ADGRB3: variants seen among roughly 807,000 people sequenced by gnomAD.
The protein encoded by ADGRB3 is adhesion G protein-coupled receptor B3.
A neutral mutation model predicts 193.4 loss-of-function variants in ADGRB3; 37 were observed. The ratio of observed to expected loss-of-function variants is 0.19; its 90% CI spans 0.15 to 0.25. The LOEUF is 0.25. Ranked by LOEUF, ADGRB3 falls within the 10% of genes least tolerant of loss-of-function variation. The pLI is 1.00. For missense variants in ADGRB3, 1,637 were observed against 1,852.9 expected, an observed-to-expected ratio of 0.88 and a Z score of 2.14; for synonymous variants, 690 against 644.2, an observed-to-expected ratio of 1.07 and a Z score of -1.08.
At chr6:68,830,744 T>C (rs1424536332) in intron 3 of ADGRB3, among the ~76,000 whole-genome samples, 1 of 152,110 alleles carries the variant, frequency 6.6e-6, no homozygotes, top group African/African-American at 2.4e-5. Flanking sequence ...TTTATCCATC[T>C]GTACAAAGGC....
In ADGRB3 at chr6:68,768,648, A is replaced by G. The variant is rs569287947; in HGVS notation, c.757+129216A>G. 2.6e-5 allele frequency among the ~76,000 whole-genome samples: 4 copies of G among 152,336 alleles called. No individual in the cohort carries two copies. The East Asian group carries it at 5.8e-4, about 22-fold the overall frequency. ...AGGCATGGGCAAAGGCTTCACGACT[A>G]AAACACCAAAAGCAATGGCAACAAA... On this transcript the variant is annotated intron_variant, in intron 3 of 31. Transcript: ENST00000370598.
At chr6:68,775,578 T>A (rs1488771637) in intron 3 of ADGRB3, among the ~76,000 whole-genome samples, 1 of 152,130 alleles carries the variant, frequency 6.6e-6, no homozygotes, top group Non-Finnish European at 1.5e-5. Flanking sequence ...AGTTAATACT[T>A]ATAAAGCACT....
At chr6:69,232,674 G>A in intron 17 of ADGRB3, 1 of 1,494,990 alleles carries the variant, frequency 6.7e-7, no homozygotes. Flanking sequence ...AAGGCAATGA[G>A]AGTCGGAACC....
At position 68,962,545 on chromosome 6, in the gene ADGRB3, A is replaced by G. The variant is rs146219447; in HGVS notation, c.1525+5736A>G. On this transcript the variant is annotated intron_variant, in intron 8 of 31. Transcript: ENST00000370598. ...AAGCAATTTTCTGTAATCTTATATT[A>G]CCCTACCTTGTTCAATTTAGAAATA... 2.7e-3 allele frequency among the ~76,000 whole-genome samples: 417 copies of G among 152,234 alleles called. 4 individuals carry two copies. The highest frequency in any genetic ancestry group is 9.5e-3 in the African/African-American group (396 of 41,534).
chr6:68,973,898 A>G (rs1031132770), intron 8 of ADGRB3, among the ~76,000 whole-genome samples: 3 of 152,262 alleles, frequency 2.0e-5, no homozygotes, highest in East Asian at 1.9e-4. Context: ...ACTATTTTGC[A>G]TTTCATTATA....
Position 69,118,428 on chromosome 6 carries a change from T to C in ADGRB3, c.2480+42390T>C, listed in dbSNP as rs150929093. On this transcript the variant is annotated intron_variant, in intron 17 of 31. Transcript: ENST00000370598. ...GAATCAAGAAGATGCCTACAAGAGATAAAGTCTCAGGCTACCAGAGTAAAG... is the reference window on the plus strand; with the variant it reads ...GAATCAAGAAGATGCCTACAAGAGACAAAGTCTCAGGCTACCAGAGTAAAG... 3.2e-4 allele frequency among the ~76,000 whole-genome samples: 47 copies of C among 147,196 alleles called. No individual in the cohort carries two copies. The East Asian group carries it at 9.9e-3, about 31-fold the overall frequency.
chr6:68,892,762 A>C (rs1766114839), intron 3 of ADGRB3, among the ~76,000 whole-genome samples: 2 of 152,182 alleles, frequency 1.3e-5, no homozygotes, highest in Admixed American at 6.6e-5. Flanking sequence ...CGGCAAAAAA[A>C]CACTCGGAGA....
intron 30 of ADGRB3, among the ~76,000 whole-genome samples, chr6:69,373,096 A>G (rs1769740301): frequency 6.6e-6 from 1 of 152,038 alleles, no homozygotes; most frequent in Admixed American, 6.6e-5. Flanking sequence ...GTTATGCTAA[A>G]TACAAAATTA....
intron 13 of ADGRB3, among the ~76,000 whole-genome samples, chr6:69,042,931 TGGTGATGA>T (rs1554251944): frequency 6.6e-6 from 1 of 152,204 alleles, no homozygotes; most frequent in Non-Finnish European, 1.5e-5. Flanking sequence ...CATTTGTTTA[TGGTGATGA>T]GGTGCCATTG....
chr6:68,755,687 A>G (rs1766287007), intron 3 of ADGRB3, among the ~76,000 whole-genome samples: 1 of 152,174 alleles, frequency 6.6e-6, no homozygotes, highest in South Asian at 2.1e-4. Flanking sequence ...GAAGCAGGGA[A>G]GAAACCACAA....
At chr6:68,713,512 C>G (rs1765438989) in intron 3 of ADGRB3, among the ~76,000 whole-genome samples, 2 of 151,852 alleles carry the variant, frequency 1.3e-5, no homozygotes, top group South Asian at 4.1e-4. Flanking sequence ...CTTTCCCTTT[C>G]TGACTATACA....
At chr6:69,017,795 G>A (rs1478644767) in intron 12 of ADGRB3, among the ~76,000 whole-genome samples, 2 of 151,764 alleles carry the variant, frequency 1.3e-5, no homozygotes, top group African/African-American at 4.8e-5. Context: ...CCTAAAATAT[G>A]GACAATAATC....
chr6:69,118,644 A>G lies in ADGRB3; in HGVS notation c.2480+42606A>G, dbSNP rs116636547. The stretch of plus-strand genomic sequence containing the variant: ...CAGTCTCTGTAGTAGAGGGTGTCAC[A>G]CTAGATAGAGGTTAGATTCGATGTT... On this transcript the variant is annotated intron_variant, in intron 17 of 31. Coordinates refer to ENST00000370598, the MANE Select transcript of ADGRB3 (RefSeq NM_001704.3). Among the ~76,000 whole-genome samples, 751 of 151,892 alleles carry G rather than the reference A, an allele frequency of 4.9e-3. 10 individuals are homozygous for G. Among genetic ancestry groups the G allele is most frequent in the African/African-American group, 0.017 (719 of 41,432 alleles).
intron 13 of ADGRB3, among the ~76,000 whole-genome samples, chr6:69,044,613 T>C (rs1771187107): frequency 6.6e-6 from 1 of 152,212 alleles, no homozygotes; most frequent in African/African-American, 2.4e-5. Context: ...GACATGATGC[T>C]CTTAAAGGAA....
At chr6:68,971,798 C>T (rs941264111) in intron 8 of ADGRB3, among the ~76,000 whole-genome samples, 1 of 152,228 alleles carries the variant, frequency 6.6e-6, no homozygotes, top group Non-Finnish European at 1.5e-5. Context: ...AACTTTTCTT[C>T]TTTTCCACCG....
intron 20 of ADGRB3, among the ~76,000 whole-genome samples, chr6:69,262,683 G>C (rs1258079350): frequency 6.6e-6 from 1 of 151,958 alleles, no homozygotes; most frequent in Non-Finnish European, 1.5e-5. Context: ...TTTTGAAAGA[G>C]AGAGAGAGAG....
At position 69,384,188 on chromosome 6, in the gene ADGRB3, A is replaced by G. The variant is rs190250506; in HGVS notation, c.4380+1253A>G. Among the ~76,000 whole-genome samples, 437 of 152,188 alleles carry G rather than the reference A, an allele frequency of 2.9e-3. 5 individuals carry two copies. Among genetic ancestry groups the G allele is most frequent in the African/African-American group, 0.01 (417 of 41,560 alleles). On this transcript the variant is annotated intron_variant, in intron 31 of 31. Coordinates refer to ENST00000370598, the MANE Select transcript of ADGRB3 (RefSeq NM_001704.3). ...GTTTGTTAAATGAAGGCTATGAGAA[A>G]TATACGCTCTAACTCTTAATTGGTC...
rs145117628 is a variant in ADGRB3, at chr6:68,968,797, A to T, written c.1526-5966A>T. On this transcript the variant is annotated intron_variant, in intron 8 of 31. Transcript: ENST00000370598. ...CTAATTCTCCTTCTTTTAGTATTCT[A>T]TAATAGTTTTTGGTTGGCATTTATA... is the stretch of plus-strand genomic sequence containing the variant. Among the ~76,000 whole-genome samples, 137 of 152,252 alleles carry T rather than the reference A, an allele frequency of 9.0e-4. 1 individual carries two copies. The East Asian group carries it at 0.022, about 25-fold the overall frequency.
rs181675329 is a variant in ADGRB3 at position 69,256,858 on chromosome 6, A to G, written c.2814+17632A>G. ...TGTGGGTTTATCATAGATAGCTGTTATTATTTTGAGATATGTCCCATCAAT... is the reference window on the plus strand; with the variant it reads ...TGTGGGTTTATCATAGATAGCTGTTGTTATTTTGAGATATGTCCCATCAAT... On this transcript the variant is annotated intron_variant, in intron 20 of 31. Coordinates refer to ENST00000370598, the MANE Select transcript of ADGRB3 (RefSeq NM_001704.3). 1.2e-3 allele frequency among the ~76,000 whole-genome samples: 179 copies of G among 152,280 alleles called. 2 individuals carry two copies. The South Asian group carries it at 0.03, about 25-fold the overall frequency.
Sources: gnomAD v4.1 joint callset for allele counts (sites outside exome capture counted in the v4.1 genomes callset) on GRCh38, gnomAD v4.1.1 for gene constraint, MANE v1.5 for transcripts, NCBI Gene and HGNC (gene_info 2026-07-23, HGNC 2026-07-21) for gene names.